DCAF8L2: variants seen among roughly 807,000 people sequenced by gnomAD.
The protein encoded by DCAF8L2 is DDB1- and CUL4-associated factor 8-like protein 2.
For synonymous variants in DCAF8L2, 200 were observed against 190.9 expected, an observed-to-expected ratio of 1.05 and a Z score of -0.39; for missense variants, 430 against 490.7, an observed-to-expected ratio of 0.88 and a Z score of 1.17.
intron 2 of DCAF8L2, among the ~76,000 whole-genome samples, chrX:27,647,567 C>T (rs1928988813): frequency 9.0e-6 from 1 of 111,685 alleles, no homozygotes; most frequent in Admixed American, 9.6e-5. Flanking sequence ...AACCTAAAAA[C>T]ATAAAATAAT....
chrX:27,532,813 C>T, the DCAF8L2 span, among the ~76,000 whole-genome samples: 2 of 106,419 alleles, frequency 1.9e-5, no homozygotes, highest in African/African-American at 6.8e-5. Flanking sequence ...TGGTGGCTCA[C>T]ACCTATAATC....
chrX:27,677,643 A>G (rs1331741395), intron 2 of DCAF8L2, among the ~76,000 whole-genome samples, 193 bp from the exon 3 acceptor site: 1 of 111,739 alleles, frequency 8.9e-6, no homozygotes, highest in Non-Finnish European at 1.9e-5. Context: ...AAAAGTAGGA[A>G]AAGTGGAAAA....
the DCAF8L2 span, among the ~76,000 whole-genome samples, chrX:27,578,501 G>T: frequency 8.9e-6 from 1 of 111,745 alleles, no homozygotes; most frequent in Non-Finnish European, 1.9e-5. Flanking sequence ...CATGGGCAAA[G>T]ATTTCATGAA....
intron 1 of DCAF8L2, among the ~76,000 whole-genome samples, chrX:27,615,079 C>A (rs1569160736): frequency 9.4e-6 from 1 of 106,775 alleles, no homozygotes; most frequent in Non-Finnish European, 1.9e-5. Flanking sequence ...TCCAATGATG[C>A]TAGAGGTTTC....
At chrX:27,691,822 G>C (rs5971434) in intron 3 of DCAF8L2, among the ~76,000 whole-genome samples, 12,537 of 111,375 alleles carry the variant, frequency 0.11, 1,688 homozygotes, top group African/African-American at 0.39. Context: ...ACAGCCTGAA[G>C]GAGGATAGGT....
chrX:27,574,871 T>C, the DCAF8L2 span, among the ~76,000 whole-genome samples: 3 of 111,467 alleles, frequency 2.7e-5, no homozygotes, highest in African/African-American at 9.8e-5. Context: ...TTACTGCTCC[T>C]GAAGCCCCAA....
At chrX:27,653,621 C>T (rs757249747) in intron 2 of DCAF8L2, among the ~76,000 whole-genome samples, 3 of 109,473 alleles carry the variant, frequency 2.7e-5, no homozygotes, top group Admixed American at 9.9e-5. Flanking sequence ...ACTGAGTACA[C>T]GTATATCTAG....
At chrX:27,577,802 G>A in the DCAF8L2 span, among the ~76,000 whole-genome samples, 5 of 111,119 alleles carry the variant, frequency 4.5e-5, no homozygotes, top group Non-Finnish European at 9.4e-5. Context: ...CTTCACAATT[G>A]CTACAAAGAT....
chrX:27,555,810 G>A, the DCAF8L2 span, among the ~76,000 whole-genome samples: 2 of 111,460 alleles, frequency 1.8e-5, no homozygotes, highest in East Asian at 5.7e-4. Flanking sequence ...ACAGCCACAT[G>A]CCACAGTGTG....
chrX:27,518,577 A>G, the DCAF8L2 span: 1 of 274,339 alleles, frequency 3.6e-6, no homozygotes. Flanking sequence ...GTCTCTACTA[A>G]AAATACAAAA....
intron 2 of DCAF8L2, among the ~76,000 whole-genome samples, chrX:27,670,119 T>TG (rs2147224366): frequency 1.0e-5 from 1 of 96,717 alleles, no homozygotes; most frequent in East Asian, 2.9e-4. Flanking sequence ...TTTTTTTGTT[T>TG]GTTTTTTTTT....
At chrX:27,619,970 CTT>C (rs1927678786) in intron 1 of DCAF8L2, among the ~76,000 whole-genome samples, 1 of 111,420 alleles carries the variant, frequency 9.0e-6, no homozygotes, top group Non-Finnish European at 1.9e-5. Flanking sequence ...AATAAATAAA[CTT>C]ATGGAAAAAT....
chrX:27,730,068 G>A (rs961511652), intron 4 of DCAF8L2, among the ~76,000 whole-genome samples: 12 of 111,615 alleles, frequency 1.1e-4, no homozygotes, highest in African/African-American at 2.6e-4. Context: ...AAACATTAAG[G>A]CACTTACTAC....
chrX:27,608,426 G>T (rs903951073), intron 1 of DCAF8L2, among the ~76,000 whole-genome samples: 39 of 111,340 alleles, frequency 3.5e-4, no homozygotes, highest in African/African-American at 1.2e-3. Flanking sequence ...TATTTATACT[G>T]GTAAATAATA....
chrX:27,527,993 T>TATTAAATTAAATTTTTAATTCAATTA, the DCAF8L2 span, among the ~76,000 whole-genome samples: 6 of 36,275 alleles, frequency 1.7e-4, no homozygotes, highest in Admixed American at 1.5e-3. Flanking sequence ...TTTAATTAAT[T>TATTAAATTAAATTTTTAATTCAATTA]ATTAAATTAA....
intron 2 of DCAF8L2, among the ~76,000 whole-genome samples, chrX:27,653,440 T>A (rs1929222736): frequency 9.0e-6 from 1 of 111,344 alleles, no homozygotes; most frequent in African/African-American, 3.3e-5. Flanking sequence ...CACCTATGGT[T>A]ATTTTTTAAA....
chrX:27,517,893 A>G, the DCAF8L2 span: 3 of 1,121,580 alleles, frequency 2.7e-6, no homozygotes, highest in Non-Finnish European at 3.7e-6. Flanking sequence ...GCCCAATACA[A>G]CTGGCAGACA....
the DCAF8L2 span, among the ~76,000 whole-genome samples, chrX:27,505,538 T>A: frequency 1.8e-5 from 2 of 111,915 alleles, no homozygotes; most frequent in Non-Finnish European, 3.8e-5. Flanking sequence ...TTTAATCATA[T>A]TAGGCATATT....
the DCAF8L2 span, among the ~76,000 whole-genome samples, chrX:27,581,140 T>C: frequency 1.8e-5 from 2 of 112,146 alleles, no homozygotes; most frequent in Admixed American, 1.9e-4. Context: ...CTTATACGGC[T>C]TATGGCAAAC....
Sources: gnomAD v4.1 joint callset for allele counts (sites outside exome capture counted in the v4.1 genomes callset) on GRCh38, gnomAD v4.1.1 for gene constraint, MANE v1.5 for transcripts, NCBI Gene and HGNC (gene_info 2026-07-23, HGNC 2026-07-21) for gene names.